The following SLIT2 variants were observed in gnomAD, a reference collection of about 807,000 sequenced individuals.
SLIT2 encodes the protein slit homolog 2 protein.
In SLIT2, 41 loss-of-function variants were observed where a neutral mutation model predicts 185.7. That is an observed-to-expected ratio of 0.22 (90% confidence interval 0.17 to 0.29). SLIT2 has a LOEUF of 0.29. Among genes scored for constraint, SLIT2 ranks in the 10% least tolerant of loss-of-function variants. The pLI is 1.00. For missense variants in SLIT2, 1,571 were observed against 1,909.0 expected, an observed-to-expected ratio of 0.82 and a Z score of 3.30; for synonymous variants, 693 against 680.2, an observed-to-expected ratio of 1.02 and a Z score of -0.29.
chr4:20,351,172 C>G (rs183492461), intron 4 of SLIT2, among the ~76,000 whole-genome samples: 1 of 151,968 alleles, frequency 6.6e-6, no homozygotes, highest in Admixed American at 6.6e-5. Context: ...CTTCAGCCTC[C>G]TGAGTAGCTT....
At chr4:20,612,923 A>AC (rs1729345099) in intron 34 of SLIT2, among the ~76,000 whole-genome samples, 1 of 151,532 alleles carries the variant, frequency 6.6e-6, no homozygotes, top group Non-Finnish European at 1.5e-5. Flanking sequence ...ATCTCCAAAA[A>AC]AAAAAAAAAA....
chr4:20,403,817 G>T (rs1360005438), intron 4 of SLIT2, among the ~76,000 whole-genome samples: 1 of 151,434 alleles, frequency 6.6e-6, no homozygotes, highest in Non-Finnish European at 1.5e-5. Context: ...AATTTGCTAT[G>T]GTAGAGCAGT....
At chr4:20,596,172 G>A (rs554879620) in intron 31 of SLIT2, among the ~76,000 whole-genome samples, 2 of 152,294 alleles carry the variant, frequency 1.3e-5, no homozygotes, top group East Asian at 1.9e-4. Flanking sequence ...GGAGGACAGA[G>A]GGATGGTGTT....
intron 4 of SLIT2, among the ~76,000 whole-genome samples, chr4:20,294,650 T>C (rs1311453148): frequency 6.6e-6 from 1 of 152,200 alleles, no homozygotes; most frequent in Non-Finnish European, 1.5e-5. Flanking sequence ...AGAAGTTATA[T>C]ATGGCCTTTT....
chr4:20,264,938 T>C (rs1021594938), intron 3 of SLIT2, among the ~76,000 whole-genome samples: 1 of 151,974 alleles, frequency 6.6e-6, no homozygotes, highest in African/African-American at 2.4e-5. Flanking sequence ...TATATCTCTG[T>C]CATTCCTTTG....
chr4:20,563,557 T>C (rs889618516), intron 26 of SLIT2, among the ~76,000 whole-genome samples: 1 of 151,744 alleles, frequency 6.6e-6, no homozygotes, highest in African/African-American at 2.4e-5. Flanking sequence ...ACTCTCAGTG[T>C]TGTACCCGGT....
chr4:20,265,365 G>A (rs779205792), intron 3 of SLIT2, among the ~76,000 whole-genome samples: 6 of 151,648 alleles, frequency 4.0e-5, no homozygotes, highest in Non-Finnish European at 7.4e-5. Context: ...GTTAATGTTT[G>A]TATAACCATT....
intron 5 of SLIT2, among the ~76,000 whole-genome samples, chr4:20,474,263 T>C (rs1018742739): frequency 1.3e-5 from 2 of 152,026 alleles, no homozygotes; most frequent in Non-Finnish European, 2.9e-5. Context: ...GGCATTCATA[T>C]ATATAAAAAA....
At chr4:20,597,168 C>A (rs1380614535) in intron 32 of SLIT2, among the ~76,000 whole-genome samples, 1 of 151,526 alleles carries the variant, frequency 6.6e-6, no homozygotes, top group East Asian at 2.0e-4. Context: ...CAGGCTCAAG[C>A]GATTCTCCTG....
At chr4:20,457,041 A>G (rs1220985578) in intron 4 of SLIT2, among the ~76,000 whole-genome samples, 1 of 152,140 alleles carries the variant, frequency 6.6e-6, no homozygotes. Flanking sequence ...TGACATTTTC[A>G]TATAATATTC....
In SLIT2 at chr4:20,546,177, G is replaced by T. The variant is rs1723235635; in HGVS notation, c.2345+78G>T. On this transcript the variant is annotated intron_variant, in intron 22 of 36. Coordinates refer to ENST00000504154, the MANE Select transcript of SLIT2 (RefSeq NM_004787.4). ...GATGGCAAGGGACAGAAGATTTAGTGAACCTTCCAGATAATACAAATCATT... is the reference window on the plus strand; with the variant it reads ...GATGGCAAGGGACAGAAGATTTAGTTAACCTTCCAGATAATACAAATCATT... 31 of 730,768 alleles carry T rather than the reference G, an allele frequency of 4.2e-5. No homozygotes were observed. In the South Asian group the frequency reaches 5.8e-4, roughly 14 times the overall value. The allele number at this position is 730,768 out of a possible 1,614,324, so 45.3% of individuals were successfully genotyped here.
chr4:20,383,378 A>G (rs1284859853), intron 4 of SLIT2, among the ~76,000 whole-genome samples: 2 of 152,216 alleles, frequency 1.3e-5, no homozygotes, highest in African/African-American at 4.8e-5. Flanking sequence ...ACTCAATGAT[A>G]AAAAGATAAA....
intron 4 of SLIT2, among the ~76,000 whole-genome samples, chr4:20,272,869 C>G (rs1207102239): frequency 1.3e-5 from 2 of 152,060 alleles, no homozygotes; most frequent in Non-Finnish European, 2.9e-5. Flanking sequence ...TCATGATTCC[C>G]CAGTGAGTTT....
At chr4:20,501,443 A>T (rs190165934) in intron 9 of SLIT2, among the ~76,000 whole-genome samples, 90 of 151,948 alleles carry the variant, frequency 5.9e-4, no homozygotes, top group South Asian at 1.2e-3. Context: ...ATGCCACCAC[A>T]CCCGGCTTTT....
In SLIT2 at chr4:20,595,594, A is replaced by T. The variant is rs530329217; in HGVS notation, c.3183-103A>T. 5.4e-5 allele frequency: 78 copies of T among 1,435,546 alleles called. No individual in the cohort carries two copies. The Admixed American group carries it at 1.4e-3, about 25-fold the overall frequency. 88.9% of individuals were successfully genotyped at this position (1,435,546 alleles called of 1,614,324 possible). On this transcript the variant is annotated intron_variant, in intron 30 of 36. Transcript: ENST00000504154. ...TGTGGGGGCTCTATGAGCCTATTCT[A>T]AATAAGTATTTTAAAGATGGTGCCA...
chr4:20,617,363 A>G lies in SLIT2; in HGVS notation c.4137-76A>G, dbSNP rs189034173. On this transcript the variant is annotated intron_variant, in intron 35 of 36. Coordinates refer to ENST00000504154, the MANE Select transcript of SLIT2 (RefSeq NM_004787.4). ...CCTCATATTTTCTCAATCATCCTCC[A>G]TTCTTATATCACCTCCGTTCATTCT... The G allele has an allele frequency of 5.9e-5, 86 of 1,463,420 alleles. No individual in the cohort carries two copies. In the East Asian group the frequency reaches 1.9e-3, roughly 32 times the overall value. 90.7% of individuals were successfully genotyped at this position (1,463,420 alleles called of 1,614,324 possible). A position where few individuals can be genotyped will look rare whatever the true frequency, so the allele number is the denominator to read the frequency against.
rs114275356 is a variant in SLIT2 at position 20,431,891 on chromosome 4, C to G, written c.396-35861C>G. Among the ~76,000 whole-genome samples, 955 of 152,204 alleles carry G rather than the reference C, an allele frequency of 6.3e-3. 9 individuals carry two copies. The highest frequency in any genetic ancestry group is 0.022 in the African/African-American group (903 of 41,520). ...CTACTGTGAGTAGGAGTGTTTGGAA[C>G]TTGATTATTGTAAGACATTCCAACT... On this transcript the variant is annotated intron_variant, in intron 4 of 36. Coordinates refer to ENST00000504154, the MANE Select transcript of SLIT2 (RefSeq NM_004787.4).
intron 26 of SLIT2, among the ~76,000 whole-genome samples, chr4:20,559,721 T>G (rs1724542792): frequency 6.6e-6 from 1 of 152,008 alleles, no homozygotes; most frequent in Non-Finnish European, 1.5e-5. Flanking sequence ...TTAGAGTTAT[T>G]AAGCAATTTT....
At chr4:20,440,005 C>T (rs186870233) in intron 4 of SLIT2, among the ~76,000 whole-genome samples, 2 of 152,134 alleles carry the variant, frequency 1.3e-5, no homozygotes, top group South Asian at 4.1e-4. Flanking sequence ...TTTGCCAAAG[C>T]CTTCTAATGA....
Sources: allele counts gnomAD v4.1 joint callset (sites outside exome capture counted in the v4.1 genomes callset), GRCh38; gene constraint gnomAD v4.1.1; transcripts MANE v1.5; gene names NCBI Gene and HGNC (gene_info 2026-07-23, HGNC 2026-07-21).